The following FTCDNL1 variants were observed in gnomAD, a reference collection of about 807,000 sequenced individuals.
The protein encoded by FTCDNL1 is formiminotransferase cyclodeaminase N-terminal like.
Under a neutral mutation model 5.9 loss-of-function variants are expected in FTCDNL1, and 11 were observed. The ratio of observed to expected loss-of-function variants is 1.87; its 90% confidence interval spans 1.18 to 3.10. The LOEUF (loss-of-function observed/expected upper bound fraction) is 3.10. FTCDNL1 is among the 30% of genes most tolerant of loss of function. The pLI, the probability that FTCDNL1 is intolerant of heterozygous loss-of-function variation, is 0.00. For synonymous variants in FTCDNL1, 58 were observed against 24.8 expected (o/e 2.34, Z -3.99); for missense variants, 115 against 65.5 (o/e 1.76, Z -2.61).
At chr2:199,845,218 T>A (rs2076699535) in intron 3 of FTCDNL1, among the ~76,000 whole-genome samples, 1 of 152,214 alleles carries the variant, frequency 6.6e-6, no homozygotes, top group Non-Finnish European at 1.5e-5. Context: ...AGTATGACCA[T>A]TTTAGCAATA....
the FTCDNL1 span, among the ~76,000 whole-genome samples, chr2:199,670,544 T>C: frequency 1.3e-5 from 2 of 152,206 alleles, no homozygotes; most frequent in Non-Finnish European, 2.9e-5. Context: ...TTTCTCTCTT[T>C]TTTGTATCAG....
intron 3 of FTCDNL1, among the ~76,000 whole-genome samples, chr2:199,838,604 G>A (rs773902581): frequency 1.3e-5 from 2 of 152,132 alleles, no homozygotes; most frequent in Non-Finnish European, 2.9e-5. Flanking sequence ...TCCCACAGAC[G>A]CCTGATAGAG....
chr2:199,676,523 T>G, the FTCDNL1 span, among the ~76,000 whole-genome samples: 1 of 151,892 alleles, frequency 6.6e-6, no homozygotes, highest in African/African-American at 2.4e-5. Context: ...CCCCAGTATA[T>G]TTACACTTAT....
chr2:199,726,032 T>C, the FTCDNL1 span, among the ~76,000 whole-genome samples: 1 of 152,144 alleles, frequency 6.6e-6, no homozygotes, highest in Admixed American at 6.5e-5. Flanking sequence ...CAATCATTCA[T>C]AGGTTAGGTC....
At chr2:199,679,844 A>G in the FTCDNL1 span, among the ~76,000 whole-genome samples, 81 of 152,264 alleles carry the variant, frequency 5.3e-4, no homozygotes, top group Non-Finnish European at 9.7e-4. Flanking sequence ...GATCATTACT[A>G]CTAAATTATT....
intron 3 of FTCDNL1, among the ~76,000 whole-genome samples, chr2:199,783,914 G>A (rs1309439434): frequency 6.6e-6 from 1 of 152,072 alleles, no homozygotes; most frequent in Admixed American, 6.6e-5. Flanking sequence ...TGATGGGGAG[G>A]AGTGATCCCA....
At chr2:199,676,676 A>T in the FTCDNL1 span, among the ~76,000 whole-genome samples, 1 of 152,142 alleles carries the variant, frequency 6.6e-6, no homozygotes, top group Non-Finnish European at 1.5e-5. Flanking sequence ...TGATGTTCTT[A>T]AGCAAATGCT....
the FTCDNL1 span, among the ~76,000 whole-genome samples, chr2:199,720,483 A>T: frequency 6.6e-6 from 1 of 152,184 alleles, no homozygotes; most frequent in Non-Finnish European, 1.5e-5. Context: ...GAGACCTTGA[A>T]ATCAAGGTGT....
the FTCDNL1 span, among the ~76,000 whole-genome samples, chr2:199,698,453 C>T: frequency 2.6e-5 from 4 of 151,832 alleles, no homozygotes; most frequent in African/African-American, 9.7e-5. Flanking sequence ...CACAGCACAA[C>T]AAAAATATGT....
the FTCDNL1 span, among the ~76,000 whole-genome samples, chr2:199,712,437 C>G: frequency 2.0e-5 from 3 of 152,106 alleles, no homozygotes; most frequent in African/African-American, 7.2e-5. Flanking sequence ...CTAGAAGAAG[C>G]CTTCTACCTA....
the FTCDNL1 span, among the ~76,000 whole-genome samples, chr2:199,664,071 A>G: frequency 3.9e-5 from 6 of 152,116 alleles, no homozygotes; most frequent in Non-Finnish European, 8.8e-5. Flanking sequence ...ATAATTGAAC[A>G]AGCCCCCAGA....
chr2:199,688,386 G>A, the FTCDNL1 span, among the ~76,000 whole-genome samples: 1 of 152,072 alleles, frequency 6.6e-6, no homozygotes, highest in Non-Finnish European at 1.5e-5. Context: ...AAGCTTCTTA[G>A]ACCCCAGGAG....
chr2:199,817,575 C>A (rs1024648237), intron 4 of FTCDNL1, among the ~76,000 whole-genome samples: 2 of 151,862 alleles, frequency 1.3e-5, no homozygotes, highest in African/African-American at 4.8e-5. Context: ...TGGCCTGAGT[C>A]CAAGAGTTTT....
the FTCDNL1 span, among the ~76,000 whole-genome samples, chr2:199,733,582 A>G: frequency 4.6e-5 from 7 of 152,216 alleles, no homozygotes; most frequent in African/African-American, 1.7e-4. Context: ...GAAAGCAGGA[A>G]GAGAGATGGT....
the FTCDNL1 span, among the ~76,000 whole-genome samples, chr2:199,731,309 A>G: frequency 6.6e-6 from 1 of 152,216 alleles, no homozygotes; most frequent in Admixed American, 6.5e-5. Context: ...ATGTATACCA[A>G]TGTAACAAAC....
At chr2:199,732,522 T>G in the FTCDNL1 span, among the ~76,000 whole-genome samples, 1 of 152,040 alleles carries the variant, frequency 6.6e-6, no homozygotes, top group South Asian at 2.1e-4. Flanking sequence ...ATAGGCAAAA[T>G]GAACTCAGTT....
chr2:199,689,317 G>C, the FTCDNL1 span, among the ~76,000 whole-genome samples: 2 of 152,136 alleles, frequency 1.3e-5, no homozygotes, highest in Non-Finnish European at 2.9e-5. Flanking sequence ...AAAAGTTGTT[G>C]ATATGAGGAA....
downstream of FTCDNL1, among the ~76,000 whole-genome samples, chr2:199,757,452 A>T (rs1345573451): frequency 1.3e-5 from 2 of 152,218 alleles, no homozygotes; most frequent in Non-Finnish European, 2.9e-5. Flanking sequence ...ATGTGAATGC[A>T]AAGGATGCCA....
the FTCDNL1 span, among the ~76,000 whole-genome samples, chr2:199,739,192 T>C: frequency 6.6e-6 from 1 of 152,218 alleles, no homozygotes; most frequent in African/African-American, 2.4e-5. Context: ...AGTGTGGCTA[T>C]TTTAATCACC....
Sources: allele counts gnomAD v4.1 joint callset (sites outside exome capture counted in the v4.1 genomes callset), GRCh38; gene constraint gnomAD v4.1.1; transcripts MANE v1.5; gene names NCBI Gene and HGNC (gene_info 2026-07-23, HGNC 2026-07-21).